The following GRIA4 variants were observed in gnomAD, a reference collection of about 807,000 sequenced individuals.
The protein encoded by GRIA4 is glutamate ionotropic receptor AMPA type subunit 4.
In GRIA4, 34 loss-of-function variants were observed where a neutral mutation model predicts 104.0. The ratio of observed to expected loss-of-function variants is 0.33; its 90% CI spans 0.25 to 0.44. The LOEUF (loss-of-function observed/expected upper bound fraction) is 0.44. Ranked by LOEUF, GRIA4 falls within the 20% of genes least tolerant of loss-of-function variation. The probability of loss-of-function intolerance (pLI) is 1.00; values close to 1 mark genes in which losing one functional copy is unlikely to be tolerated. For synonymous variants in GRIA4, 386 were observed against 381.9 expected (o/e 1.01, Z -0.13); for missense variants, 750 against 1,096.5 (o/e 0.68, Z 4.46).
intron 4 of GRIA4, among the ~76,000 whole-genome samples, chr11:105,764,877 G>C (rs2135726100): frequency 6.6e-6 from 1 of 151,926 alleles, no homozygotes; most frequent in South Asian, 2.1e-4. Context: ...GGAAATTATT[G>C]TTTCTTGTCT....
At chr11:105,926,170 TC>T (rs1471929193) in intron 12 of GRIA4, among the ~76,000 whole-genome samples, 1 of 152,066 alleles carries the variant, frequency 6.6e-6, no homozygotes, top group East Asian at 1.9e-4. Context: ...TCGGGTCCAA[TC>T]TCACCTTGGC....
chr11:105,799,736 C>A (rs1942635654), intron 4 of GRIA4, among the ~76,000 whole-genome samples: 1 of 152,010 alleles, frequency 6.6e-6, no homozygotes, highest in African/African-American at 2.4e-5. Context: ...GATTCAAGGT[C>A]ATCTGCTGAA....
At chr11:105,721,688 G>A (rs1215934282) in intron 3 of GRIA4, among the ~76,000 whole-genome samples, 3 of 152,132 alleles carry the variant, frequency 2.0e-5, no homozygotes, top group Non-Finnish European at 4.4e-5. Context: ...CAAATTACTT[G>A]TGCAATTATT....
At chr11:105,719,699 C>G (rs964980515) in intron 3 of GRIA4, among the ~76,000 whole-genome samples, 2 of 151,668 alleles carry the variant, frequency 1.3e-5, no homozygotes, top group Admixed American at 6.6e-5. Context: ...TAAGTACATA[C>G]TATAAAGGTG....
chr11:105,661,993 G>C (rs1230649899), intron 3 of GRIA4, among the ~76,000 whole-genome samples: 3 of 74,260 alleles, frequency 4.0e-5, no homozygotes, highest in Non-Finnish European at 8.3e-5. Context: ...GAAGAAAACT[G>C]TGTGTGTGTG....
intron 3 of GRIA4, among the ~76,000 whole-genome samples, chr11:105,751,923 A>G (rs1940021503): frequency 6.6e-6 from 1 of 152,162 alleles, no homozygotes; most frequent in Non-Finnish European, 1.5e-5. Flanking sequence ...ATAGACCTAA[A>G]CACTTCTTAA....
intron 3 of GRIA4, among the ~76,000 whole-genome samples, chr11:105,664,716 A>G (rs537060866): frequency 6.6e-6 from 1 of 152,162 alleles, no homozygotes; most frequent in African/African-American, 2.4e-5. Flanking sequence ...CCAGTCTTCA[A>G]AAGAGAAATC....
At chr11:105,645,149 G>C (rs1951489477) in intron 3 of GRIA4, among the ~76,000 whole-genome samples, 1 of 152,192 alleles carries the variant, frequency 6.6e-6, no homozygotes, top group Admixed American at 6.5e-5. Flanking sequence ...AGCTGAGCCA[G>C]AAAAGAGATG....
chr11:105,747,329 A>G (rs1026468555), intron 3 of GRIA4, among the ~76,000 whole-genome samples: 1 of 152,180 alleles, frequency 6.6e-6, no homozygotes, highest in African/African-American at 2.4e-5. Context: ...ATATGTTGAC[A>G]ATCCACTTTA....
chr11:105,685,466 C>T (rs1445617610), intron 3 of GRIA4, among the ~76,000 whole-genome samples: 1 of 152,156 alleles, frequency 6.6e-6, no homozygotes, highest in African/African-American at 2.4e-5. Context: ...GTGGAATTTC[C>T]ATTTTAAGGG....
chr11:105,724,764 T>TTA (rs759633545), intron 3 of GRIA4, among the ~76,000 whole-genome samples: 13 of 152,186 alleles, frequency 8.5e-5, no homozygotes, highest in Admixed American at 3.9e-4. Context: ...AAAATTGTAC[T>TTA]TATAGCCCTT....
chr11:105,775,346 T>C (rs934332999), intron 4 of GRIA4, among the ~76,000 whole-genome samples: 2 of 152,172 alleles, frequency 1.3e-5, no homozygotes, highest in Non-Finnish European at 2.9e-5. Flanking sequence ...GGGACCATTA[T>C]TTAACTTACC....
chr11:105,663,735 T>C (rs559814167), intron 3 of GRIA4, among the ~76,000 whole-genome samples: 1 of 151,898 alleles, frequency 6.6e-6, no homozygotes. Context: ...AGGGAAACTT[T>C]CAAAACTTTA....
rs114963713 is a variant in GRIA4 at position 105,892,823 on chromosome 11, T to G, written c.726+5251T>G. 8.3e-3 allele frequency among the ~76,000 whole-genome samples: 1,271 copies of G among 152,296 alleles called. 18 individuals carry two copies. Among genetic ancestry groups the G allele is most frequent in the African/African-American group, 0.028 (1,185 of 41,582 alleles). Reference sequence around the variant, plus strand: ...CATGGTAAGCTAGCAATTCCCCCATTCTATTTGACATTCCTTCCATTAATT... The same window carrying G: ...CATGGTAAGCTAGCAATTCCCCCATGCTATTTGACATTCCTTCCATTAATT... On this transcript the variant is annotated intron_variant, in intron 6 of 16. Transcript: ENST00000282499.
intron 4 of GRIA4, among the ~76,000 whole-genome samples, chr11:105,798,587 G>A (rs1352383510): frequency 6.6e-6 from 1 of 152,152 alleles, no homozygotes; most frequent in Admixed American, 6.6e-5. Context: ...TACTAATTAA[G>A]AATGGGTGTG....
At chr11:105,948,898 T>A (rs1565360241) in intron 14 of GRIA4, among the ~76,000 whole-genome samples, 1 of 152,098 alleles carries the variant, frequency 6.6e-6, no homozygotes, top group Non-Finnish European at 1.5e-5. Flanking sequence ...GCCAACAGAA[T>A]AATTTTCTAA....
intron 3 of GRIA4, among the ~76,000 whole-genome samples, chr11:105,683,735 T>G (rs894075507): frequency 6.6e-6 from 1 of 152,218 alleles, no homozygotes; most frequent in African/African-American, 2.4e-5. Context: ...ATTTGAGTAT[T>G]CAGCATAATT....
intron 3 of GRIA4, among the ~76,000 whole-genome samples, chr11:105,651,843 C>T (rs998432558): frequency 6.6e-6 from 1 of 151,892 alleles, no homozygotes; most frequent in South Asian, 2.1e-4. Flanking sequence ...AACACTGGTC[C>T]CTGAGCTAAT....
intron 4 of GRIA4, among the ~76,000 whole-genome samples, chr11:105,845,475 C>T (rs964836981): frequency 2.6e-5 from 4 of 152,132 alleles, no homozygotes; most frequent in African/African-American, 7.2e-5. Flanking sequence ...ATCAATGTTA[C>T]ATGGTAAGAA....
Sources: allele counts gnomAD v4.1 joint callset (sites outside exome capture counted in the v4.1 genomes callset), GRCh38; gene constraint gnomAD v4.1.1; transcripts MANE v1.5; gene names NCBI Gene and HGNC (gene_info 2026-07-23, HGNC 2026-07-21).